Variants in NKAIN3 observed in about 807,000 individuals in gnomAD.
NKAIN3 encodes the protein sodium/potassium transporting ATPase interacting 3, also known as sodium/potassium-transporting ATPase subunit beta-1-interacting protein 3.
In NKAIN3, 25 loss-of-function variants were observed where a neutral mutation model predicts 30.2. The observed-to-expected ratio is 0.83, with a 90% CI of 0.60 to 1.16. The LOEUF is 1.16. NKAIN3 is among the 50% of genes most tolerant of loss of function. The pLI, the probability that NKAIN3 is intolerant of heterozygous loss-of-function variation, is 0.00. For synonymous variants in NKAIN3, 91 were observed against 89.6 expected (o/e 1.02, Z -0.09); for missense variants, 225 against 254.1 (o/e 0.89, Z 0.78).
intron 1 of NKAIN3, among the ~76,000 whole-genome samples, chr8:62,331,157 T>TC (rs796727794): frequency 1.3e-4 from 18 of 135,796 alleles, no homozygotes; most frequent in Admixed American, 6.1e-4. Flanking sequence ...CCCCTCTTCC[T>TC]CCCCCCCAAA....
In NKAIN3 at chr8:62,389,480, G is replaced by A. The variant is rs1817523007; in HGVS notation, c.54+140353G>A. The stretch of plus-strand genomic sequence containing the variant: ...GGTGTCTGTGTCTGGCCATCTCAGG[G>A]CAGCCTCTGTCACATCAAGCTGAGG... On this transcript the variant is annotated intron_variant, in intron 1 of 6. Transcript: ENST00000623646. Among the ~76,000 whole-genome samples, 6 of 152,294 alleles carry A rather than the reference G, an allele frequency of 3.9e-5. No homozygotes were observed. The South Asian group carries it at 1.2e-3, about 32-fold the overall frequency.
intron 1 of NKAIN3, among the ~76,000 whole-genome samples, chr8:62,367,425 C>T (rs1178877811): frequency 6.6e-6 from 1 of 152,058 alleles, no homozygotes; most frequent in African/African-American, 2.4e-5. Context: ...ATGTGCAAAT[C>T]AATAAACATT....
intron 4 of NKAIN3, among the ~76,000 whole-genome samples, chr8:62,829,758 A>AGATAGATAGATAGATAGATAGATAGAT (rs1399097142): frequency 6.6e-6 from 1 of 151,992 alleles, no homozygotes; most frequent in African/African-American, 2.4e-5. Flanking sequence ...ATAGATAGAT[A>AGATAGATAGATAGATAGATAGATAGAT]GATAGATAGA....
intron 4 of NKAIN3, among the ~76,000 whole-genome samples, chr8:62,862,054 G>A (rs1023998692): frequency 2.4e-4 from 36 of 152,330 alleles, no homozygotes; most frequent in African/African-American, 8.4e-4. Context: ...TAATCTGAAT[G>A]TTGGGTGATA....
At chr8:62,634,587 GA>G (rs747382598) in intron 3 of NKAIN3, among the ~76,000 whole-genome samples, 3 of 152,218 alleles carry the variant, frequency 2.0e-5, no homozygotes, top group Non-Finnish European at 4.4e-5. Flanking sequence ...GTTATTCTCA[GA>G]AAGTTTTGTC....
chr8:62,856,328 C>T, intron 4 of NKAIN3: 2 of 926,300 alleles, frequency 2.2e-6, no homozygotes, highest in South Asian at 2.6e-5. Context: ...TGAGCTTCAG[C>T]TTTAACCTGC....
intron 4 of NKAIN3, among the ~76,000 whole-genome samples, chr8:62,836,025 T>C (rs907827011): frequency 6.6e-6 from 1 of 152,014 alleles, no homozygotes; most frequent in Admixed American, 6.6e-5. Flanking sequence ...AGCACAATCA[T>C]GATCTTTGGA....
intron 1 of NKAIN3, among the ~76,000 whole-genome samples, chr8:62,539,320 A>C (rs1167460786): frequency 6.6e-6 from 1 of 152,246 alleles, no homozygotes; most frequent in Non-Finnish European, 1.5e-5. Flanking sequence ...AAATGCAAAC[A>C]TCCAAAACAA....
intron 4 of NKAIN3, among the ~76,000 whole-genome samples, chr8:62,885,022 T>C (rs1480034809): frequency 1.3e-5 from 2 of 152,266 alleles, no homozygotes; most frequent in Admixed American, 1.3e-4. Context: ...TTTCTTCTAC[T>C]TACTTTGGAT....
Position 62,248,929 on chromosome 8 carries a change from C to T in NKAIN3, c.-145C>T. 1.5e-6 allele frequency: 1 copy of T among 662,832 alleles called. No individual in the cohort carries two copies. Among genetic ancestry groups the T allele is most frequent in the Non-Finnish European group, 2.4e-6 (1 of 417,052 alleles). 41.1% of individuals were successfully genotyped at this position (662,832 alleles called of 1,614,324 possible). On this transcript the variant is annotated 5_prime_UTR_variant, in exon 1 of 7. Coordinates refer to ENST00000623646, the MANE Select transcript of NKAIN3 (RefSeq NM_001304533.3). ...GGAAACTAACAAAGGCGGGCGCGAG[C>T]CCCGAGCCCTGGAGCCGCGAGCGGC...
At chr8:62,499,612 T>A (rs1315802082) in intron 1 of NKAIN3, among the ~76,000 whole-genome samples, 2 of 152,314 alleles carry the variant, frequency 1.3e-5, no homozygotes, top group East Asian at 3.9e-4. Context: ...AACAGCATCA[T>A]ATCTCCTAAG....
intron 3 of NKAIN3, among the ~76,000 whole-genome samples, chr8:62,678,430 C>T (rs1813545641): frequency 6.6e-6 from 1 of 152,088 alleles, no homozygotes; most frequent in Non-Finnish European, 1.5e-5. Context: ...AGATTTGATA[C>T]GGGCTGCTCA....
intron 1 of NKAIN3, among the ~76,000 whole-genome samples, chr8:62,451,289 C>CTCCCCTCCCG (rs1805633641): frequency 6.8e-6 from 1 of 147,054 alleles, no homozygotes; most frequent in South Asian, 2.2e-4. Context: ...CTCCCCTTCC[C>CTCCCCTCCCG]TCCCCTCCCG....
intron 1 of NKAIN3, among the ~76,000 whole-genome samples, chr8:62,481,459 A>G (rs1021224056): frequency 6.6e-6 from 1 of 152,206 alleles, no homozygotes; most frequent in Non-Finnish European, 1.5e-5. Context: ...TTACCATGTC[A>G]TACATTAACT....
chr8:62,988,986 G>A (rs1022294182), downstream of NKAIN3, among the ~76,000 whole-genome samples: 1 of 152,116 alleles, frequency 6.6e-6, no homozygotes, highest in Non-Finnish European at 1.5e-5. Flanking sequence ...TCTAGGACAG[G>A]GGCAAAATGC....
chr8:62,635,417 T>C (rs1039368798), intron 3 of NKAIN3, among the ~76,000 whole-genome samples: 3 of 152,068 alleles, frequency 2.0e-5, no homozygotes, highest in African/African-American at 7.2e-5. Flanking sequence ...TAAAGGAGGG[T>C]CCTCCCTTCC....
intron 1 of NKAIN3, among the ~76,000 whole-genome samples, chr8:62,296,492 C>A (rs2129587537): frequency 6.6e-6 from 1 of 152,228 alleles, no homozygotes; most frequent in East Asian, 1.9e-4. Context: ...TCTTTGAACA[C>A]ACCATCTCCT....
At chr8:62,309,742 C>G (rs1044817448) in intron 1 of NKAIN3, among the ~76,000 whole-genome samples, 1 of 150,240 alleles carries the variant, frequency 6.7e-6, no homozygotes, top group Non-Finnish European at 1.5e-5. Context: ...GAAATATGTT[C>G]TGCATCATAA....
intron 1 of NKAIN3, among the ~76,000 whole-genome samples, chr8:62,378,399 A>C (rs944743475): frequency 6.6e-6 from 1 of 152,220 alleles, no homozygotes; most frequent in Non-Finnish European, 1.5e-5. Flanking sequence ...AAATTTGCAT[A>C]AGTAATAAGG....
Sources: gnomAD v4.1 joint callset for allele counts (sites outside exome capture counted in the v4.1 genomes callset) on GRCh38, gnomAD v4.1.1 for gene constraint, MANE v1.5 for transcripts, NCBI Gene and HGNC (gene_info 2026-07-23, HGNC 2026-07-21) for gene names.